Variants in HK1 observed in about 807,000 individuals in gnomAD.
HK1 encodes hexokinase 1, also known as hexokinase-1.
In HK1, 28 loss-of-function variants were observed where a neutral mutation model predicts 91.6. That is an observed-to-expected ratio of 0.31 (90% CI 0.23 to 0.42). The LOEUF (loss-of-function observed/expected upper bound fraction) is 0.42, where lower values mean the gene tolerates loss of function less well. HK1 is among the 10% of genes least tolerant of loss of function. The pLI is 1.00. For missense variants in HK1, 770 were observed against 1,219.8 expected (o/e 0.63, Z 5.49); for synonymous variants, 430 against 468.1 (o/e 0.92, Z 1.05).
Position 69,369,297 on chromosome 10 carries a change from G to C in HK1, c.652G>C (p.Gly218Arg). Residue 218 changes from glycine to arginine, a missense_variant, in exon 6 of 18, where the codon GGC (glycine) becomes CGC (arginine). This residue lies in a region of HK1 where 449 missense variants were observed against 665.1 expected (regional missense o/e 0.68). Transcript: ENST00000359426. The surrounding 1 kb of genome is among the most constrained non-coding windows in gnomAD (Gnocchi z 4.4). ...NDTVGTMMTC[G>R]YDDQHCEVGL... ...CACAGTGGGCACCATGATGACCTGTGGCTATGACGACCAGCACTGTGAAGT... is the reference window on the plus strand; with the variant it reads ...CACAGTGGGCACCATGATGACCTGTCGCTATGACGACCAGCACTGTGAAGT... 6.2e-7 allele frequency: 1 copy of C among 1,614,194 alleles called. No homozygotes were observed. Among genetic ancestry groups the C allele is most frequent in the Non-Finnish European group, 8.5e-7 (1 of 1,180,026 alleles).
chr10:69,393,639 A>G lies in HK1; in HGVS notation c.2220-1311A>G, dbSNP rs1840010551. On this transcript the variant is annotated intron_variant, in intron 15 of 17. Transcript: ENST00000359426. ...TGACATTTAATGAAGGAGGAAAAAG[A>G]GGAAGAACCAATAGTACCATAAAGA... Among the ~76,000 whole-genome samples the G allele has an allele frequency of 4.6e-5, 7 of 152,268 alleles. No individual in the cohort carries two copies. In the South Asian group the frequency reaches 1.4e-3, roughly 31 times the overall value.
At chr10:69,391,472 T>C (rs1839893534) in intron 14 of HK1, among the ~76,000 whole-genome samples, 1 of 152,164 alleles carries the variant, frequency 6.6e-6, no homozygotes, top group African/African-American at 2.4e-5. Flanking sequence ...CAAAACCCTA[T>C]CTCTACTAAA....
At chr10:69,372,551 C>T (rs1470546326) in intron 7 of HK1, among the ~76,000 whole-genome samples, 1 of 152,064 alleles carries the variant, frequency 6.6e-6, no homozygotes, top group Non-Finnish European at 1.5e-5. Context: ...AATTATGGCC[C>T]TAGAATAGGA....
intron 1 of HK1, among the ~76,000 whole-genome samples, chr10:69,335,726 C>G (rs750883771): frequency 1.2e-4 from 19 of 152,146 alleles, no homozygotes; most frequent in Non-Finnish European, 2.6e-4. Context: ...ATTAGAGAGG[C>G]CTTTATAGGT....
chr10:69,270,499 C>G (rs1844103046), intron 1 of HK1, among the ~76,000 whole-genome samples: 1 of 151,970 alleles, frequency 6.6e-6, no homozygotes. Flanking sequence ...AGGAGAATTG[C>G]TTGAACCCAG....
intron 2 of HK1, among the ~76,000 whole-genome samples, chr10:69,351,516 AAAAACAAAAAC>A (rs1306041039): frequency 3.4e-5 from 5 of 148,126 alleles, no homozygotes; most frequent in African/African-American, 1.2e-4. Flanking sequence ...TCTCAAAAAC[AAAAACAAAAAC>A]AAAAAAAACA....
intron 3 of HK1, among the ~76,000 whole-genome samples, chr10:69,360,498 T>G (rs77348082): frequency 0.048 from 7,319 of 152,282 alleles, 592 homozygotes; most frequent in African/African-American, 0.17. Context: ...AGGAATGAGG[T>G]CTCACAGCTC....
intron 3 of HK1, chr10:69,292,389 T>C: frequency 2.2e-6 from 1 of 445,194 alleles, no homozygotes; most frequent in Non-Finnish European, 4.5e-6. Flanking sequence ...CTTGATTATG[T>C]GAGGTAGGAC....
At chr10:69,358,225 T>G (rs1434057193) in intron 2 of HK1, among the ~76,000 whole-genome samples, 4 of 152,098 alleles carry the variant, frequency 2.6e-5, no homozygotes, top group Non-Finnish European at 5.9e-5. Context: ...CTTAACTGAT[T>G]TTTCTGGGAG....
chr10:69,383,977 T>C (rs1382916654), intron 10 of HK1, among the ~76,000 whole-genome samples: 4 of 152,272 alleles, frequency 2.6e-5, no homozygotes, highest in East Asian at 3.8e-4. Flanking sequence ...AAGAAGGATT[T>C]TGCACATGCA....
At chr10:69,363,727 A>T (rs1266292641) in intron 3 of HK1, among the ~76,000 whole-genome samples, 4 of 152,174 alleles carry the variant, frequency 2.6e-5, no homozygotes, top group Admixed American at 2.6e-4. Flanking sequence ...ATCCAAAAAG[A>T]TTACCTTAGA....
At chr10:69,376,558 A>G (rs747588389) in intron 7 of HK1, among the ~76,000 whole-genome samples, 7 of 152,208 alleles carry the variant, frequency 4.6e-5, no homozygotes, top group Non-Finnish European at 8.8e-5. Flanking sequence ...GATAAAAAAT[A>G]AAAAGTATAG....
chr10:69,283,609 C>G (rs1286168053), intron 2 of HK1, among the ~76,000 whole-genome samples: 1 of 150,870 alleles, frequency 6.6e-6, no homozygotes, highest in African/African-American at 2.4e-5. Context: ...GGTGAAACCC[C>G]ATCTCTACTA....
In HK1 at chr10:69,318,983, G is replaced by T. The variant is rs748679725; in HGVS notation, c.36G>T (p.Thr12=). 1.6e-5 allele frequency: 25 copies of T among 1,602,882 alleles called. No individual in the cohort carries two copies. The South Asian group carries it at 1.6e-4, about 10-fold the overall frequency. ...CGCAGCTCCTGGCCTATTACTTCAC[G>T]GAGCTGAAGGATGACCAGGTCAAAA... ...IAAQLLAYYF[T]ELKDDQVKKI... Residue 12 remains threonine (T), a synonymous_variant, in exon 1 of 18, where the codon ACG becomes ACT. Transcript: ENST00000359426.
chr10:69,391,369 G>A lies in HK1; in HGVS notation c.2036-756G>A, dbSNP rs754152860. Among the ~76,000 whole-genome samples, 9 of 152,276 alleles carry A rather than the reference G, an allele frequency of 5.9e-5. No homozygotes were observed. In the South Asian group the frequency reaches 6.2e-4, roughly 10 times the overall value. On this transcript the variant is annotated intron_variant, in intron 14 of 17. Transcript: ENST00000359426. ...CGAGAAAAGATAAGTGGGGCTGGGC[G>A]TGGTGCCCACGCCTGTAATCCCAGC...
rs1423801320 is a variant in HK1, at chr10:69,306,081, GCA to G, written c.27+5222_27+5223del. ...TTTAAAGAGGAAAGGGTGGGGCTGGGCACGGTGGCTCACGCCTGTAATCCCAG... is the reference window on the plus strand; with the variant it reads ...TTTAAAGAGGAAAGGGTGGGGCTGGGCGGTGGCTCACGCCTGTAATCCCAG... On this transcript the variant is annotated intron_variant, in intron 5 of 21. Coordinates refer to the HK1 transcript ENST00000360289. Among the ~76,000 whole-genome samples, 11 of 152,146 alleles carry G rather than the reference GCA, an allele frequency of 7.2e-5. No individual in the cohort carries two copies. In the East Asian group the frequency reaches 1.6e-3, roughly 21 times the overall value.
chr10:69,313,039 C>A (rs535288565), upstream of HK1, among the ~76,000 whole-genome samples: 10 of 152,192 alleles, frequency 6.6e-5, no homozygotes, highest in Non-Finnish European at 1.0e-4. Context: ...CTGGCAGGGG[C>A]CTTTATGATA....
chr10:69,338,640 G>A, intron 1 of HK1: 1 of 1,288,326 alleles, frequency 7.8e-7, no homozygotes, highest in South Asian at 1.2e-5. Flanking sequence ...GTGATGTGGA[G>A]GCAGCACCTA....
intron 2 of HK1, among the ~76,000 whole-genome samples, chr10:69,358,599 C>T (rs796981329): frequency 1.8e-4 from 28 of 152,306 alleles, no homozygotes; most frequent in Middle Eastern, 3.4e-3. Context: ...CGGTGACTCA[C>T]GCCTGTAATC....
Sources: allele counts gnomAD v4.1 joint callset (sites outside exome capture counted in the v4.1 genomes callset), GRCh38; gene constraint gnomAD v4.1.1; regional missense constraint gnomAD v4.1.1; non-coding constraint Gnocchi (gnomAD v3.1); transcripts MANE v1.5; gene names NCBI Gene and HGNC (gene_info 2026-07-23, HGNC 2026-07-21).